TRIM4: variants seen among roughly 807,000 people sequenced by gnomAD.
The protein encoded by TRIM4 is tripartite motif containing 4.
A neutral mutation model predicts 33.7 loss-of-function variants in TRIM4; 29 were observed. That is an observed-to-expected ratio of 0.86 (90% CI 0.64 to 1.17). The LOEUF (loss-of-function observed/expected upper bound fraction) is 1.17, where lower values mean the gene tolerates loss of function less well. Among genes scored for constraint, TRIM4 ranks in the 50% most tolerant of loss-of-function variants. The probability of loss-of-function intolerance (pLI) is 0.00; values close to 1 mark genes in which losing one functional copy is unlikely to be tolerated. For missense variants in TRIM4, 554 were observed against 593.7 expected, an observed-to-expected ratio of 0.93 and a Z score of 0.69; for synonymous variants, 224 against 233.0, an observed-to-expected ratio of 0.96 and a Z score of 0.35.
In TRIM4 at chr7:99,892,343, T is replaced by C. The variant is rs940132987; in HGVS notation, c.1245A>G (p.Pro415=). 1 of 1,613,998 alleles carries C rather than the reference T, an allele frequency of 6.2e-7. No homozygotes were observed. Among genetic ancestry groups the C allele is most frequent in the African/African-American group, 1.3e-5 (1 of 74,908 alleles). ...GGTAAACCCCCACTCGGTGGAGAGC[T>C]GGCTCTTGCTGGGTGGGAGTTCCAG... ...GFPGTPTQQE[P]ALHRVGVYLD... The change falls in exon 6 of 6, where the codon CCA becomes CCG. Residue 415 remains proline, a synonymous_variant. Coordinates refer to ENST00000349062, the MANE Select transcript of TRIM4 (RefSeq NM_033091.3).
At chr7:99,905,050 T>TA (rs57743736) in intron 3 of TRIM4, among the ~76,000 whole-genome samples, 84 of 147,998 alleles carry the variant, frequency 5.7e-4, no homozygotes, top group Middle Eastern at 3.5e-3. Flanking sequence ...AAATAAAAAT[T>TA]AAAAAAAAAA....
At chr7:99,916,536 T>C (rs1286316822) in intron 1 of TRIM4, among the ~76,000 whole-genome samples, 1 of 152,162 alleles carries the variant, frequency 6.6e-6, no homozygotes, top group Non-Finnish European at 1.5e-5. Context: ...AACCTGACAG[T>C]CATCTACCTG....
At chr7:99,904,795 G>C (rs890381341) in intron 3 of TRIM4, among the ~76,000 whole-genome samples, 6 of 152,096 alleles carry the variant, frequency 3.9e-5, no homozygotes, top group Admixed American at 3.9e-4. Flanking sequence ...ACTTTGGGAG[G>C]CTTAGGTGGG....
intron 1 of TRIM4, 69 bp from the exon 2 acceptor site, chr7:99,909,729 G>GGTTTTTTTTTTTT (rs1563087619): frequency 1.5e-6 from 1 of 677,026 alleles, no homozygotes. Context: ...TTTTCTTTTT[G>GGTTTTTTTTTTTT]TTTTTTTTTT....
chr7:99,906,576 A>G (rs1402478485), intron 3 of TRIM4, among the ~76,000 whole-genome samples: 2 of 152,202 alleles, frequency 1.3e-5, no homozygotes, highest in Non-Finnish European at 2.9e-5. Flanking sequence ...CAATAAAGGT[A>G]AAAGTATAAC....
intron 5 of TRIM4, among the ~76,000 whole-genome samples, chr7:99,900,555 T>C (rs1350742940): frequency 3.3e-5 from 5 of 152,246 alleles, no homozygotes; most frequent in South Asian, 2.1e-4. Context: ...CTTTTATTCC[T>C]TTGTGTAGAG....
At chr7:99,908,452 G>T in intron 3 of TRIM4, 130 bp downstream of exon 3, 2 of 741,310 alleles carry the variant, frequency 2.7e-6, no homozygotes, top group Non-Finnish European at 4.4e-6. Context: ...TTAGTTATGT[G>T]ACAGCACAGA....
rs557464995 is a variant in TRIM4, at chr7:99,914,715, G to A, written c.393+4294C>T. ...GGCCTCTTCCCACAGTTCCTCAGAT[G>A]GCAGACTCTGCATCCAGCAAGTTTC... On this transcript the variant is annotated intron_variant, in intron 1 of 5. Transcript: ENST00000349062. Among the ~76,000 whole-genome samples the A allele has an allele frequency of 3.9e-4, 60 of 152,288 alleles. 2 individuals are homozygous for A. In the South Asian group the frequency reaches 0.012, roughly 32 times the overall value.
rs369675920 is a variant in TRIM4, at chr7:99,892,471, C to T, written c.1117G>A (p.Glu373Lys). 9 of 1,614,012 alleles carry T rather than the reference C, an allele frequency of 5.6e-6. No individual in the cohort carries two copies. ...CGATCAGTAATTCCCATGACGTCCT[C>T]CCGACACACCCCAACAGCAACCTCC... ...SLEVAVGVCR[E>K]DVMGITDRSK... The change falls in exon 6 of 6, where the codon GAG (glutamate) becomes AAG (lysine). Residue 373 changes from glutamate (E) to lysine (K), a missense_variant. Glu to Lys is a moderately conservative substitution (Grantham distance 56). This residue lies in a region of TRIM4 where 290 missense variants were observed against 335.8 expected (regional missense o/e 0.86). Coordinates refer to ENST00000349062, the MANE Select transcript of TRIM4 (RefSeq NM_033091.3).
chr7:99,919,412 T>A lies in TRIM4; in HGVS notation c.-11A>T. The A allele has an allele frequency of 6.6e-7, 1 of 1,526,102 alleles. No individual in the cohort carries two copies. Among genetic ancestry groups the A allele is most frequent in the Non-Finnish European group, 8.8e-7 (1 of 1,138,434 alleles). The allele number at this position is 1,526,102 out of a possible 1,614,324, so 94.5% of individuals were successfully genotyped here. On this transcript the variant is annotated 5_prime_UTR_variant, in exon 1 of 6. Coordinates refer to ENST00000349062, the MANE Select transcript of TRIM4 (RefSeq NM_033091.3). ...GTCCTCAGCTTCCATGCTGCTTCCC[T>A]GCCGCGGAGACGGAGTCCGACGTGA...
chr7:99,902,954 ACTG>A (rs1819209166), intron 5 of TRIM4, among the ~76,000 whole-genome samples: 1 of 151,822 alleles, frequency 6.6e-6, no homozygotes, highest in Non-Finnish European at 1.5e-5. Flanking sequence ...CTACTATATC[ACTG>A]TGAGTGCTGT....
intron 1 of TRIM4, among the ~76,000 whole-genome samples, chr7:99,910,729 C>A (rs2151650356): frequency 6.6e-6 from 1 of 152,282 alleles, no homozygotes; most frequent in African/African-American, 2.4e-5. Flanking sequence ...TTAATTTCTA[C>A]AAGTGGCATA....
chr7:99,912,531 T>A (rs75457755), intron 1 of TRIM4, among the ~76,000 whole-genome samples: 7,329 of 145,820 alleles, frequency 0.05, 259 homozygotes, highest in Middle Eastern at 0.076. Context: ...CTCTACATAT[T>A]AAAAAAAAAA....
At chr7:99,903,145 C>A in intron 5 of TRIM4, 73 bp downstream of exon 5, 1 of 1,186,778 alleles carries the variant, frequency 8.4e-7, no homozygotes, top group East Asian at 2.3e-5. Flanking sequence ...CCTCTTTCCT[C>A]TCCAGACTTC....
At chr7:99,912,710 T>C (rs1159376048) in intron 1 of TRIM4, among the ~76,000 whole-genome samples, 2 of 152,214 alleles carry the variant, frequency 1.3e-5, no homozygotes, top group Non-Finnish European at 2.9e-5. Flanking sequence ...AATGGTAGAA[T>C]CTACATGTGG....
chr7:99,911,237 A>C (rs1819435495), intron 1 of TRIM4, among the ~76,000 whole-genome samples: 1 of 152,196 alleles, frequency 6.6e-6, no homozygotes. Context: ...AAGAGGATCA[A>C]GGCTAGAACT....
At chr7:99,917,966 G>A (rs1328700762) in intron 1 of TRIM4, 4 of 456,782 alleles carry the variant, frequency 8.8e-6, no homozygotes, top group African/African-American at 2.1e-5. Flanking sequence ...GCAGAGTAAG[G>A]TAAAGTGATT....
chr7:99,894,230 G>A (rs186921711), intron 5 of TRIM4, among the ~76,000 whole-genome samples: 182 of 152,198 alleles, frequency 1.2e-3, no homozygotes, highest in African/African-American at 3.9e-3. Context: ...CTCTTGTGAC[G>A]TCTTTGTCTG....
intron 3 of TRIM4, chr7:99,908,145 G>A (rs1819351866): frequency 6.5e-6 from 1 of 153,430 alleles, no homozygotes; most frequent in Admixed American, 6.5e-5. Context: ...TCAAAATATG[G>A]GGATAAGAAC....
Sources: allele counts gnomAD v4.1 joint callset (sites outside exome capture counted in the v4.1 genomes callset), GRCh38; gene constraint gnomAD v4.1.1; regional missense constraint gnomAD v4.1.1; transcripts MANE v1.5; gene names NCBI Gene and HGNC (gene_info 2026-07-23, HGNC 2026-07-21).